The following ADK variants were observed in gnomAD, a reference collection of about 807,000 sequenced individuals.
ADK encodes the protein adenosine kinase.
ADK carries 24 observed loss-of-function variants against 44.7 expected under a neutral mutation model. The ratio of observed to expected loss-of-function variants is 0.54; its 90% CI spans 0.39 to 0.76. ADK has a LOEUF of 0.76. Ranked by LOEUF, ADK falls within the 30% of genes least tolerant of loss-of-function variation. The pLI is 0.00. For missense variants in ADK, 321 were observed against 425.1 expected (o/e 0.76, Z 2.15); for synonymous variants, 128 against 142.6 (o/e 0.90, Z 0.73).
chr10:74,351,492 C>T lies in ADK; in HGVS notation c.273+36747C>T, dbSNP rs569781670. Among the ~76,000 whole-genome samples the T allele has an allele frequency of 1.5e-4, 23 of 152,196 alleles. No homozygotes were observed. The East Asian group carries it at 3.7e-3, about 24-fold the overall frequency. On this transcript the variant is annotated intron_variant, in intron 4 of 10. Coordinates refer to ENST00000539909, the MANE Select transcript of ADK (RefSeq NM_006721.4). ...GAACAGGCAAAAGCTGGAAGCATTC[C>T]CTTTGAAAACCAGCACAGACAAGGA...
chr10:74,176,852 G>A, intron 1 of ADK: 3 of 1,607,892 alleles, frequency 1.9e-6, no homozygotes, highest in Non-Finnish European at 1.7e-6. Context: ...GCGCCGTGGC[G>A]CTGGGCAGGA....
chr10:74,368,706 T>C (rs1842569492), intron 4 of ADK, among the ~76,000 whole-genome samples: 1 of 152,042 alleles, frequency 6.6e-6, no homozygotes, highest in Non-Finnish European at 1.5e-5. Context: ...TTCAGATCAC[T>C]GCAAACTCTG....
intron 10 of ADK, among the ~76,000 whole-genome samples, chr10:74,690,249 A>G (rs1482489001): frequency 6.6e-6 from 1 of 152,224 alleles, no homozygotes; most frequent in African/African-American, 2.4e-5. Flanking sequence ...AATCCCAGCA[A>G]TTTGGGAAGC....
intron 6 of ADK, among the ~76,000 whole-genome samples, chr10:74,401,628 A>G (rs987235293): frequency 7.3e-5 from 11 of 151,072 alleles, no homozygotes; most frequent in African/African-American, 2.4e-4. Flanking sequence ...TTTTGAGCCT[A>G]TGTGTGTCTC....
intron 6 of ADK, among the ~76,000 whole-genome samples, chr10:74,507,477 G>A (rs1848126987): frequency 6.6e-6 from 1 of 151,808 alleles, no homozygotes; most frequent in South Asian, 2.1e-4. Context: ...ACCAGGTGTG[G>A]TGGTGCACAC....
At chr10:74,300,310 CTTT>C (rs1839978444) in intron 3 of ADK, among the ~76,000 whole-genome samples, 1 of 67,430 alleles carries the variant, frequency 1.5e-5, no homozygotes, top group East Asian at 4.8e-4. Context: ...TTCCTTCCTT[CTTT>C]CCTTCCTTCC....
chr10:74,461,997 G>T (rs1410681613), intron 6 of ADK, among the ~76,000 whole-genome samples: 1 of 152,060 alleles, frequency 6.6e-6, no homozygotes, highest in Non-Finnish European at 1.5e-5. Flanking sequence ...TTGAATCTAT[G>T]TTGGTTGTTG....
intron 9 of ADK, among the ~76,000 whole-genome samples, chr10:74,663,645 AC>A (rs1195110008): frequency 6.6e-6 from 1 of 152,186 alleles, no homozygotes; most frequent in African/African-American, 2.4e-5. Context: ...AATAAACTAA[AC>A]TAATTAAAGC....
chr10:74,695,915 C>T (rs956450915), intron 10 of ADK, among the ~76,000 whole-genome samples: 1 of 152,084 alleles, frequency 6.6e-6, no homozygotes, highest in Non-Finnish European at 1.5e-5. Context: ...GCTGGAATTA[C>T]AGGCACAAAC....
chr10:74,300,689 T>C lies in ADK; in HGVS notation c.195-13978T>C, dbSNP rs914389181. On this transcript the variant is annotated intron_variant, in intron 3 of 10. Transcript: ENST00000539909. ...CCACTGTGGCAGCCTTTATATGGTT[T>C]CTTAATTTTGAGGCATACCAGTGCT... Among the ~76,000 whole-genome samples, 3 of 152,320 alleles carry C rather than the reference T, an allele frequency of 2.0e-5. No individual in the cohort carries two copies. In the East Asian group the frequency reaches 5.8e-4, roughly 29 times the overall value.
At chr10:74,396,891 G>A (rs1386739790) in intron 5 of ADK, among the ~76,000 whole-genome samples, 2 of 151,916 alleles carry the variant, frequency 1.3e-5, no homozygotes, top group African/African-American at 4.8e-5. Flanking sequence ...GGAGGCGGAG[G>A]TTGCAGTGAG....
At chr10:74,313,673 G>A (rs1352975487) in intron 3 of ADK, among the ~76,000 whole-genome samples, 3 of 151,004 alleles carry the variant, frequency 2.0e-5, no homozygotes, top group Non-Finnish European at 4.4e-5. Context: ...ACTGCTTGAT[G>A]TTTGGAAAAA....
chr10:74,609,650 G>T (rs965251927), intron 9 of ADK, among the ~76,000 whole-genome samples: 3 of 152,120 alleles, frequency 2.0e-5, no homozygotes, highest in African/African-American at 7.2e-5. Context: ...CGTTGATCTC[G>T]CTGGGAGGTG....
chr10:74,207,317 A>T (rs1324186831), intron 2 of ADK, among the ~76,000 whole-genome samples: 1 of 152,160 alleles, frequency 6.6e-6, no homozygotes. Flanking sequence ...GAAGGGCTGC[A>T]GCTCTTCTTT....
chr10:74,194,424 A>G (rs1241592741), intron 1 of ADK, among the ~76,000 whole-genome samples: 2 of 152,162 alleles, frequency 1.3e-5, no homozygotes, highest in Non-Finnish European at 2.9e-5. Flanking sequence ...ACCATTGGAA[A>G]TTGGGATTAT....
chr10:74,640,750 A>C (rs1198903586), intron 9 of ADK, among the ~76,000 whole-genome samples: 1 of 152,236 alleles, frequency 6.6e-6, no homozygotes, highest in Non-Finnish European at 1.5e-5. Flanking sequence ...ATTCCAATAA[A>C]ACTCTATTTA....
chr10:74,388,175 G>A (rs566563381), intron 4 of ADK, among the ~76,000 whole-genome samples: 4 of 152,240 alleles, frequency 2.6e-5, no homozygotes, highest in South Asian at 2.1e-4. Context: ...CCAAAGTGTC[G>A]GGATTACAGG....
intron 6 of ADK, among the ~76,000 whole-genome samples, chr10:74,451,746 T>C (rs1043989745): frequency 6.6e-6 from 1 of 152,104 alleles, no homozygotes; most frequent in Admixed American, 6.5e-5. Flanking sequence ...TGTAATTCAT[T>C]CTCTTTTTAC....
At chr10:74,580,273 G>T (rs1851329709) in intron 7 of ADK, among the ~76,000 whole-genome samples, 1 of 152,090 alleles carries the variant, frequency 6.6e-6, no homozygotes, top group African/African-American at 2.4e-5. Flanking sequence ...AGATCTGATG[G>T]TTTTAAAAAG....
Sources: allele counts gnomAD v4.1 joint callset (sites outside exome capture counted in the v4.1 genomes callset), GRCh38; gene constraint gnomAD v4.1.1; transcripts MANE v1.5; gene names NCBI Gene and HGNC (gene_info 2026-07-23, HGNC 2026-07-21).